The following CD300E variants were observed in gnomAD, a reference collection of about 807,000 sequenced individuals.
CD300E encodes CMRF35-like molecule 2.
A neutral mutation model predicts 20.9 loss-of-function variants in CD300E; 14 were observed. That is an observed-to-expected ratio of 0.67 (90% CI 0.44 to 1.05). The LOEUF is 1.05. CD300E is among the 50% of genes least tolerant of loss of function. The probability of loss-of-function intolerance (pLI) is 0.00; values close to 1 mark genes in which losing one functional copy is unlikely to be tolerated. For missense variants in CD300E, 237 were observed against 253.9 expected, an observed-to-expected ratio of 0.93 and a Z score of 0.45; for synonymous variants, 102 against 103.7, an observed-to-expected ratio of 0.98 and a Z score of 0.10.
chr17:74,612,923 GC>G (rs1399642967), intron 3 of CD300E, 150 bp from the exon 4 acceptor site: 2 of 1,082,862 alleles, frequency 1.8e-6, no homozygotes, highest in Non-Finnish European at 1.3e-6. Flanking sequence ...CCCTTCTGTG[GC>G]CCCCATCCCT....
At position 74,613,910 on chromosome 17, in the gene CD300E, G is replaced by C; in HGVS notation, c.497+15C>G. 3 of 1,595,228 alleles carry C rather than the reference G, an allele frequency of 1.9e-6. No homozygotes were observed. The highest frequency in any genetic ancestry group is 2.6e-6 in the Non-Finnish European group (3 of 1,164,594). ...GGGTTGCTCCCTCCATGGCCTCCAG[G>C]CCCTGCGTGCTTACCCTGAATTTTG... On this transcript the variant is annotated intron_variant, in intron 3 of 3. Coordinates refer to ENST00000392619, the MANE Select transcript of CD300E (RefSeq NM_181449.3).
At chr17:74,613,876 T>C in intron 3 of CD300E, 49 bp downstream of exon 3, 1 of 1,324,212 alleles carries the variant, frequency 7.6e-7, no homozygotes, top group Non-Finnish European at 1.1e-6. Flanking sequence ...CCCCCCAGCT[T>C]CCACCCCAGG....
At chr17:74,613,808 C>A (rs1598148057) in intron 3 of CD300E, 117 bp downstream of exon 3, 1 of 650,986 alleles carries the variant, frequency 1.5e-6, no homozygotes. Flanking sequence ...GAATCAGGAC[C>A]AGAGATGGAG....
chr17:74,614,661 TAGTTG>T (rs2030861027), intron 2 of CD300E, among the ~76,000 whole-genome samples: 1 of 152,138 alleles, frequency 6.6e-6, no homozygotes, highest in Admixed American at 6.5e-5. Context: ...TTTGTATTTT[TAGTTG>T]AGATGGGGTT....
At chr17:74,614,900 G>A (rs2030866287) in intron 2 of CD300E, among the ~76,000 whole-genome samples, 1 of 152,216 alleles carries the variant, frequency 6.6e-6, no homozygotes, top group African/African-American at 2.4e-5. Context: ...CATTGCCACT[G>A]GACTCCCAGC....
In CD300E at chr17:74,617,449, CTTCAGA is replaced by C; in HGVS notation, c.51_56del (p.Leu18_Lys19del). 6.2e-7 allele frequency: 1 copy of C among 1,613,038 alleles called. No individual in the cohort carries two copies. Reference sequence around the variant, plus strand: ...CAGTGCCAGTCACAGAGCCGGGGCCCTTCAGAGACAAACAGCCTGGAAAACACAAGC... The same window carrying C: ...CAGTGCCAGTCACAGAGCCGGGGCCCGACAAACAGCCTGGAAAACACAAGC... On this transcript the variant is annotated inframe_deletion, in exon 2 of 4. Coordinates refer to ENST00000392619, the MANE Select transcript of CD300E (RefSeq NM_181449.3).
Position 74,617,307 on chromosome 17 carries a change from C to G in CD300E, c.199G>C (p.Glu67Gln). Reference sequence around the variant, plus strand: ...CGGCCATTCCTCTCCACCTTCTCTTCTCCCTTGGTCTCCACAATGCTCTCA... The same window carrying G: ...CGGCCATTCCTCTCCACCTTCTCTTGTCCCTTGGTCTCCACAATGCTCTCA... ...SCESIVETKG[E>Q]EKVERNGRVS... Residue 67 changes from glutamate (E) to glutamine (Q), a missense_variant, in exon 2 of 4, where the codon GAA becomes CAA. By Grantham distance (29) the Glu-to-Gln change is conservative. Transcript: ENST00000392619. 6.2e-7 allele frequency: 1 copy of G among 1,614,218 alleles called. No individual in the cohort carries two copies.
chr17:74,613,728 T>C (rs4789084), intron 3 of CD300E, among the ~76,000 whole-genome samples, 197 bp downstream of exon 3: 60,400 of 151,970 alleles, frequency 0.4, 12,292 homozygotes, highest in African/African-American at 0.49. Context: ...AGCTGCCCCA[T>C]AGGGAAAGGC....
rs759452646 is a variant in CD300E, at chr17:74,613,966, C to T, written c.456G>A (p.Gly152=). ...TPPIFLVVNP[G]RNLSTGEVLT... ...ACACCTCCCCGGTGCTGAGGTTTCG[C>T]CCAGGGTTCACCACCAGGAAGATGG... is the stretch of plus-strand genomic sequence containing the variant. Residue 152 remains glycine (G), a synonymous_variant, in exon 3 of 4, where the codon GGG becomes GGA. Coordinates refer to ENST00000392619, the MANE Select transcript of CD300E (RefSeq NM_181449.3). 1 of 1,613,876 alleles carries T rather than the reference C, an allele frequency of 6.2e-7. No homozygotes were observed. The highest frequency in any genetic ancestry group is 1.1e-5 in the South Asian group (1 of 91,044).
Position 74,612,247 on chromosome 17 carries a change from G to GC in CD300E, c.*405_*406insG, listed in dbSNP as rs2030797953. 4.8e-5 allele frequency: 5 copies of GC among 103,232 alleles called. No homozygotes were observed. The East Asian group carries it at 1.7e-3, about 34-fold the overall frequency. 6.4% of individuals were successfully genotyped at this position (103,232 alleles called of 1,614,324 possible). A position where few individuals can be genotyped will look rare whatever the true frequency, so the allele number is the denominator to read the frequency against. ...TCGCTCTCTCTCTCTCTCTCTCTCT[G>GC]TCTCTCTCTCTCTCTCTCTCTCTCT... On this transcript the variant is annotated 3_prime_UTR_variant, in exon 4 of 4. Coordinates refer to ENST00000392619, the MANE Select transcript of CD300E (RefSeq NM_181449.3).
chr17:74,623,455 T>G, intron 1 of CD300E, 127 bp downstream of exon 1: 1 of 836,276 alleles, frequency 1.2e-6, no homozygotes, highest in Non-Finnish European at 1.9e-6. Flanking sequence ...GATGCACAGG[T>G]GAATGAACGG....
intron 1 of CD300E, among the ~76,000 whole-genome samples, chr17:74,618,376 A>C (rs1234095125): frequency 6.6e-6 from 1 of 152,184 alleles, no homozygotes; most frequent in Non-Finnish European, 1.5e-5. Context: ...GGAGAGAAAG[A>C]GAAACAGTGA....
chr17:74,610,258 G>C lies in CD300E; in HGVS notation c.*2395C>G, dbSNP rs2030747593. On this transcript the variant is annotated 3_prime_UTR_variant, in exon 4 of 4. Transcript: ENST00000392619. ...ATTCTGCTCCAGCACCTTGATCAATGTCTTCCTCCTACCCTTTGTCTTTAA... is the reference window on the plus strand; with the variant it reads ...ATTCTGCTCCAGCACCTTGATCAATCTCTTCCTCCTACCCTTTGTCTTTAA... The C allele has an allele frequency of 6.6e-6, 1 of 152,350 alleles. No individual in the cohort carries two copies. 9.4% of individuals were successfully genotyped at this position (152,350 alleles called of 1,614,324 possible). A position where few individuals can be genotyped will look rare whatever the true frequency, so the allele number is the denominator to read the frequency against.
At position 74,612,616 on chromosome 17, in the gene CD300E, G is replaced by C; in HGVS notation, c.*37C>G. 1 of 1,609,328 alleles carries C rather than the reference G, an allele frequency of 6.2e-7. No individual in the cohort carries two copies. The highest frequency in any genetic ancestry group is 1.1e-5 in the South Asian group (1 of 90,938). On this transcript the variant is annotated 3_prime_UTR_variant, in exon 4 of 4. Transcript: ENST00000392619. ...TGACTCCCTGCACGGGGCACTCCTG[G>C]GGATGGGGCTCTGCAGGGCTTCGGG...
intron 2 of CD300E, among the ~76,000 whole-genome samples, 199 bp downstream of exon 2, chr17:74,616,919 C>T (rs1218557475): frequency 1.3e-5 from 2 of 152,128 alleles, no homozygotes; most frequent in Non-Finnish European, 2.9e-5. Context: ...GTGATGGCGC[C>T]TGAGCTGTGC....
At chr17:74,615,802 C>T (rs2143360520) in intron 2 of CD300E, among the ~76,000 whole-genome samples, 1 of 152,150 alleles carries the variant, frequency 6.6e-6, no homozygotes, top group African/African-American at 2.4e-5. Flanking sequence ...AAGAAAATGT[C>T]AGGCTGGGCA....
At chr17:74,623,081 G>A (rs2031054315) in intron 1 of CD300E, among the ~76,000 whole-genome samples, 2 of 152,168 alleles carry the variant, frequency 1.3e-5, no homozygotes, top group Non-Finnish European at 2.9e-5. Context: ...TTTACACTAA[G>A]CTTCGTCAAA....
At position 74,623,470 on chromosome 17, in the gene CD300E, AT is replaced by A. The variant is rs544500376; in HGVS notation, c.40+111del. ...GATGCACAGGTGAATGAACGGATGTATCTTTCCCTTTTCTGTGGACACTTCA... is the reference window on the plus strand; with the variant it reads ...GATGCACAGGTGAATGAACGGATGTACTTTCCCTTTTCTGTGGACACTTCA... On this transcript the variant is annotated intron_variant, in intron 1 of 3. Coordinates refer to ENST00000392619, the MANE Select transcript of CD300E (RefSeq NM_181449.3). 6.9e-3 allele frequency: 6,821 copies of A among 984,482 alleles called. 47 individuals carry two copies. Among genetic ancestry groups the A allele is most frequent in the Middle Eastern group, 0.021 (63 of 3,030 alleles). 61.0% of individuals were successfully genotyped at this position (984,482 alleles called of 1,614,324 possible). A position where few individuals can be genotyped will look rare whatever the true frequency, so the allele number is the denominator to read the frequency against.
At chr17:74,623,463 C>T (rs1482716358) in intron 1 of CD300E, 119 bp downstream of exon 1, 17 of 906,516 alleles carry the variant, frequency 1.9e-5, no homozygotes, top group Non-Finnish European at 2.6e-5. Flanking sequence ...GGTGAATGAA[C>T]GGATGTATCT....
Sources: gnomAD v4.1 joint callset for allele counts (sites outside exome capture counted in the v4.1 genomes callset) on GRCh38, gnomAD v4.1.1 for gene constraint, MANE v1.5 for transcripts, NCBI Gene and HGNC (gene_info 2026-07-23, HGNC 2026-07-21) for gene names.